NUAK1: variants seen among roughly 807,000 people sequenced by gnomAD.
NUAK1 encodes NUAK family SNF1-like kinase 1.
NUAK1 carries 26 observed loss-of-function variants against 56.9 expected under a neutral mutation model. That is an observed-to-expected ratio of 0.46 (90% CI 0.33 to 0.63). The LOEUF (loss-of-function observed/expected upper bound fraction) is 0.63. Among genes scored for constraint, NUAK1 ranks in the 30% least tolerant of loss-of-function variants. The probability of loss-of-function intolerance (pLI) is 0.02; values close to 1 mark genes in which losing one functional copy is unlikely to be tolerated. For missense variants in NUAK1, 727 were observed against 876.1 expected, an observed-to-expected ratio of 0.83 and a Z score of 2.15; for synonymous variants, 337 against 336.0, an observed-to-expected ratio of 1.00 and a Z score of -0.03.
At chr12:106,095,724 G>GTGA (rs1307749126) in intron 2 of NUAK1, among the ~76,000 whole-genome samples, 1 of 152,242 alleles carries the variant, frequency 6.6e-6, no homozygotes, top group Non-Finnish European at 1.5e-5. Flanking sequence ...AGGTATGTGT[G>GTGA]TGATGGGTTG....
intron 1 of NUAK1, among the ~76,000 whole-genome samples, chr12:106,128,012 A>G (rs925388590): frequency 4.6e-5 from 7 of 152,038 alleles, no homozygotes; most frequent in Admixed American, 2.6e-4. Flanking sequence ...ATTTGTTAAC[A>G]CTGCAACTCC....
chr12:106,123,460 T>C (rs1028091237), intron 1 of NUAK1, among the ~76,000 whole-genome samples: 4 of 152,164 alleles, frequency 2.6e-5, no homozygotes, highest in Non-Finnish European at 5.9e-5. Flanking sequence ...TAATTTTAAC[T>C]TTAATAGCCA....
chr12:106,095,670 A>G (rs2032689955), intron 2 of NUAK1, among the ~76,000 whole-genome samples: 2 of 152,220 alleles, frequency 1.3e-5, no homozygotes, highest in Admixed American at 6.5e-5. Flanking sequence ...AATTATGGGT[A>G]TGCACTGGCA....
intron 1 of NUAK1, among the ~76,000 whole-genome samples, chr12:106,111,585 T>C (rs1463120800): frequency 6.6e-6 from 1 of 151,944 alleles, no homozygotes; most frequent in African/African-American, 2.4e-5. Flanking sequence ...GAGTCACCCA[T>C]GCATCTTGAA....
chr12:106,083,752 C>T, intron 4 of NUAK1, 112 bp downstream of exon 4: 1 of 846,020 alleles, frequency 1.2e-6, no homozygotes, highest in Non-Finnish European at 2.0e-6. Flanking sequence ...CACCAGCCTG[C>T]CAGGTAGGAA....
intron 1 of NUAK1, among the ~76,000 whole-genome samples, chr12:106,117,357 T>C (rs549174614): frequency 1.3e-5 from 2 of 152,362 alleles, no homozygotes; most frequent in South Asian, 4.1e-4. Context: ...CCCCCATTTC[T>C]ATCCCTGTGT....
intron 2 of NUAK1, among the ~76,000 whole-genome samples, chr12:106,090,169 C>A (rs577414827): frequency 6.6e-6 from 1 of 152,170 alleles, no homozygotes; most frequent in East Asian, 1.9e-4. Flanking sequence ...TAAAACTGGC[C>A]CCTCATTCTC....
chr12:106,077,466 C>A (rs895289496), intron 4 of NUAK1, among the ~76,000 whole-genome samples: 2 of 152,200 alleles, frequency 1.3e-5, no homozygotes, highest in African/African-American at 2.4e-5. Flanking sequence ...AAACAGGGAA[C>A]CAAAAGCATT....
At chr12:106,121,586 C>T (rs894413819) in intron 1 of NUAK1, among the ~76,000 whole-genome samples, 1 of 152,186 alleles carries the variant, frequency 6.6e-6, no homozygotes, top group African/African-American at 2.4e-5. Context: ...CCCATCTCTA[C>T]TAAAAATACA....
chr12:106,097,241 T>C (rs901384705), intron 2 of NUAK1, among the ~76,000 whole-genome samples: 35 of 152,216 alleles, frequency 2.3e-4, no homozygotes, highest in African/African-American at 7.7e-4. Flanking sequence ...AGCAGTGCAA[T>C]TGGCTCACTC....
chr12:106,109,527 A>T (rs141959971), intron 1 of NUAK1, among the ~76,000 whole-genome samples: 90 of 145,356 alleles, frequency 6.2e-4, no homozygotes, highest in Middle Eastern at 3.6e-3. Flanking sequence ...GCTAAGAATG[A>T]TTGTCATATT....
chr12:106,125,551 G>A (rs560956094), intron 1 of NUAK1, among the ~76,000 whole-genome samples: 55 of 152,274 alleles, frequency 3.6e-4, no homozygotes, highest in Admixed American at 9.2e-4. Flanking sequence ...GAAAAAGCAC[G>A]TAAATAGTTA....
chr12:106,129,341 T>C (rs1393024039), intron 1 of NUAK1, among the ~76,000 whole-genome samples: 1 of 152,208 alleles, frequency 6.6e-6, no homozygotes, highest in Non-Finnish European at 1.5e-5. Flanking sequence ...CTTCCCGCAA[T>C]TGTTCATTCA....
chr12:106,091,011 C>T (rs1463093629), intron 2 of NUAK1, among the ~76,000 whole-genome samples: 3 of 152,196 alleles, frequency 2.0e-5, no homozygotes, highest in Non-Finnish European at 2.9e-5. Flanking sequence ...CTTGGCCCAA[C>T]GCTCCTTTGC....
chr12:106,070,019 G>C (rs2032388422), intron 6 of NUAK1, among the ~76,000 whole-genome samples: 1 of 152,132 alleles, frequency 6.6e-6, no homozygotes, highest in African/African-American at 2.4e-5. Context: ...TGGCACTCCA[G>C]CCTGGGCAAC....
intron 4 of NUAK1, among the ~76,000 whole-genome samples, chr12:106,083,001 C>A (rs751213569): frequency 6.6e-6 from 1 of 152,094 alleles, no homozygotes; most frequent in Non-Finnish European, 1.5e-5. Context: ...ATTTTGAAAC[C>A]GTATTTGCTT....
intron 4 of NUAK1, among the ~76,000 whole-genome samples, chr12:106,080,959 G>A (rs2032512098): frequency 6.6e-6 from 1 of 152,198 alleles, no homozygotes; most frequent in Non-Finnish European, 1.5e-5. Context: ...TTCTAAATAT[G>A]TTTCAGCAAA....
intron 1 of NUAK1, among the ~76,000 whole-genome samples, chr12:106,114,500 C>T (rs536742129): frequency 3.2e-4 from 49 of 152,208 alleles, no homozygotes; most frequent in Non-Finnish European, 5.7e-4. Flanking sequence ...ATAGTACCTA[C>T]GGCAGAAGCC....
Position 106,067,781 on chromosome 12 carries a change from T to C in NUAK1, c.1007A>G (p.His336Arg). Residue 336 changes from histidine (H) to arginine (R), a missense_variant, in exon 7 of 7, where the codon CAC becomes CGC. By Grantham distance (29) the His-to-Arg change is conservative. Transcript: ENST00000261402. The surrounding 1 kb of genome is among the most constrained non-coding windows in gnomAD (Gnocchi z 6.0). ...PLLARIIDWH[H>R]RSTGLQADTE... Reference sequence around the variant, plus strand: ...GTCAGCCTGCAGCCCTGTGGAACGGTGGTGCCAGTCAATGATCCGAGCCAG... The same window carrying C: ...GTCAGCCTGCAGCCCTGTGGAACGGCGGTGCCAGTCAATGATCCGAGCCAG... 5 of 1,614,106 alleles carry C rather than the reference T, an allele frequency of 3.1e-6. No individual in the cohort carries two copies. Among genetic ancestry groups the C allele is most frequent in the Non-Finnish European group, 4.2e-6 (5 of 1,180,014 alleles).
Sources: gnomAD v4.1 joint callset for allele counts (sites outside exome capture counted in the v4.1 genomes callset) on GRCh38, gnomAD v4.1.1 for gene constraint, Gnocchi (gnomAD v3.1) non-coding constraint, MANE v1.5 for transcripts, NCBI Gene and HGNC (gene_info 2026-07-23, HGNC 2026-07-21) for gene names.